Variants in ARFGEF3 observed in about 807,000 individuals in gnomAD.
ARFGEF3 encodes brefeldin A-inhibited guanine nucleotide-exchange protein 3.
A neutral mutation model predicts 221.7 loss-of-function variants in ARFGEF3; 96 were observed. The ratio of observed to expected loss-of-function variants is 0.43; its 90% CI spans 0.37 to 0.51. The LOEUF is 0.51. ARFGEF3 is among the 20% of genes least tolerant of loss of function. ARFGEF3 has a pLI of 0.00. For synonymous variants in ARFGEF3, 1,145 were observed against 1,126.8 expected, an observed-to-expected ratio of 1.02 and a Z score of -0.32; for missense variants, 2,410 against 2,789.9, an observed-to-expected ratio of 0.86 and a Z score of 3.07.
Position 138,172,918 on chromosome 6 carries a change from T to C in ARFGEF3, c.137+2205T>C, listed in dbSNP as rs921706609. On this transcript the variant is annotated intron_variant, in intron 2 of 33. Transcript: ENST00000251691. ...TTGGACCAATTTTGTGCATTAGTAATGATTGCTTACAATTGAACATTTTAA... is the reference window on the plus strand; with the variant it reads ...TTGGACCAATTTTGTGCATTAGTAACGATTGCTTACAATTGAACATTTTAA... 6.6e-5 allele frequency among the ~76,000 whole-genome samples: 10 copies of C among 152,336 alleles called. No homozygotes were observed. In the East Asian group the frequency reaches 1.9e-3, roughly 29 times the overall value.
At chr6:138,244,464 T>C (rs1027534247) in intron 7 of ARFGEF3, among the ~76,000 whole-genome samples, 1 of 152,256 alleles carries the variant, frequency 6.6e-6, no homozygotes, top group African/African-American at 2.4e-5. Flanking sequence ...TTATCCCATT[T>C]TTGCCAGAAG....
rs565929090 is a variant in ARFGEF3 at position 138,288,516 on chromosome 6, C to T, written c.2897-1302C>T. Among the ~76,000 whole-genome samples the T allele has an allele frequency of 3.2e-4, 49 of 152,060 alleles. 1 individual carries two copies. In the East Asian group the frequency reaches 6.2e-3, roughly 19 times the overall value. ...CTGGCCAACATGGTGAAAGAAACCC[C>T]GTCTCTACTAAAAAATACAAAAATT... On this transcript the variant is annotated intron_variant, in intron 17 of 33. Coordinates refer to ENST00000251691, the MANE Select transcript of ARFGEF3 (RefSeq NM_020340.5).
rs1000955831 is a variant in ARFGEF3, at chr6:138,294,200, G to A, written c.3502+74G>A. 1.4e-5 allele frequency: 21 copies of A among 1,485,680 alleles called. 1 individual carries two copies. Among genetic ancestry groups the A allele is most frequent in the East Asian group, 6.8e-5 (3 of 43,798 alleles). 92.0% of individuals were successfully genotyped at this position (1,485,680 alleles called of 1,614,324 possible). A position where few individuals can be genotyped will look rare whatever the true frequency, so the allele number is the denominator to read the frequency against. On this transcript the variant is annotated intron_variant, in intron 20 of 33. Coordinates refer to ENST00000251691, the MANE Select transcript of ARFGEF3 (RefSeq NM_020340.5). ...AGCCCAGGCCTCTATCACCAGCAGCGTGCCTGAAGATTTGACTCCACATTC... is the reference window on the plus strand; with the variant it reads ...AGCCCAGGCCTCTATCACCAGCAGCATGCCTGAAGATTTGACTCCACATTC...
At position 138,262,785 on chromosome 6, in the gene ARFGEF3, G is replaced by T. The variant is rs1778816896; in HGVS notation, c.1302G>T (p.Leu434=). The T allele has an allele frequency of 6.2e-7, 1 of 1,613,896 alleles. No individual in the cohort carries two copies. The highest frequency in any genetic ancestry group is 1.7e-5 in the Admixed American group (1 of 60,002). The change falls in exon 12 of 34, where the codon CTG becomes CTT. Residue 434 remains leucine (L), a synonymous_variant. Transcript: ENST00000251691. Reference sequence around the variant, plus strand: ...CCGTGTCCTGTGTCTGCACCTTGCTGGGTGCCCTGGATGAGCTCAGCCAGG... The same window carrying T: ...CCGTGTCCTGTGTCTGCACCTTGCTTGGTGCCCTGGATGAGCTCAGCCAGG... The part of the protein sequence containing the change: ...YAAVSCVCTL[L]GALDELSQGK...
chr6:138,308,240 T>A (rs1054005995), intron 23 of ARFGEF3, among the ~76,000 whole-genome samples: 2 of 152,148 alleles, frequency 1.3e-5, no homozygotes, highest in Non-Finnish European at 2.9e-5. Flanking sequence ...ACTACTCTTA[T>A]CAGTTAACTG....
At chr6:138,321,343 T>G in intron 29 of ARFGEF3, 118 bp downstream of exon 29, 1 of 614,384 alleles carries the variant, frequency 1.6e-6, no homozygotes, top group South Asian at 2.1e-5. Context: ...GTAAGTAGAC[T>G]TTTGTAATTA....
At position 138,308,721 on chromosome 6, in the gene ARFGEF3, A is replaced by G. The variant is rs750122495; in HGVS notation, c.3974-18A>G. On this transcript the variant is annotated intron_variant, in intron 23 of 33. Coordinates refer to ENST00000251691, the MANE Select transcript of ARFGEF3 (RefSeq NM_020340.5). ...CAGAAACTTACTTTCTTACAATTCT[A>G]TAATCTTCCTCCCTTAGGAAAAGGC... 26 of 1,613,554 alleles carry G rather than the reference A, an allele frequency of 1.6e-5. No homozygotes were observed. Among genetic ancestry groups the G allele is most frequent in the Non-Finnish European group, 2.1e-5 (25 of 1,179,714 alleles).
At position 138,178,279 on chromosome 6, in the gene ARFGEF3, A is replaced by G. The variant is rs147137901; in HGVS notation, c.137+7566A>G. Among the ~76,000 whole-genome samples the G allele has an allele frequency of 3.1e-3, 479 of 152,264 alleles. 2 individuals carry two copies. Among genetic ancestry groups the G allele is most frequent in the African/African-American group, 9.9e-3 (411 of 41,538 alleles). ...CCTCTTCCTTCCACATGCCAAAGCC[A>G]AGACCAAAACCACAGGTCTAGAGGT... On this transcript the variant is annotated intron_variant, in intron 2 of 33. Coordinates refer to ENST00000251691, the MANE Select transcript of ARFGEF3 (RefSeq NM_020340.5).
In ARFGEF3 at chr6:138,280,135, AC is replaced by A; in HGVS notation, c.2433del (p.Asn811LysfsTer9). On this transcript the variant is annotated frameshift_variant, in exon 14 of 34. Transcript: ENST00000251691. LOFTEE classifies it high-confidence loss of function. ...GGCTATTGGGGCAGCCCAGAAGATA[AC>A]AGCCTTCCCCTCATCACAATGCTGA... is the stretch of plus-strand genomic sequence containing the variant. ...EAGYWGSPED[N>X]SLPLITMLTD... 6.2e-7 allele frequency: 1 copy of A among 1,613,806 alleles called. No individual in the cohort carries two copies. Among genetic ancestry groups the A allele is most frequent in the Non-Finnish European group, 8.5e-7 (1 of 1,179,760 alleles).
intron 2 of ARFGEF3, among the ~76,000 whole-genome samples, chr6:138,188,026 A>C (rs369910933): frequency 6.6e-6 from 1 of 152,210 alleles, no homozygotes; most frequent in East Asian, 1.9e-4. Context: ...TTGCTATAAA[A>C]TAATAGAGTA....
rs1778557917 is a variant in ARFGEF3 at position 138,250,406 on chromosome 6, T to C, written c.666-3474T>C. Among the ~76,000 whole-genome samples the C allele has an allele frequency of 2.0e-5, 3 of 152,338 alleles. 1 individual carries two copies. The South Asian group carries it at 6.2e-4, about 32-fold the overall frequency. On this transcript the variant is annotated intron_variant, in intron 8 of 33. Transcript: ENST00000251691. ...CTGTTTCCCACCACTCTTTCCCTGC[T>C]TCTCTCTCCTCCTAGAACAGAGAAT...
intron 7 of ARFGEF3, 65 bp from the exon 8 acceptor site, chr6:138,245,448 T>C: frequency 9.2e-7 from 1 of 1,090,422 alleles, no homozygotes; most frequent in Non-Finnish European, 1.4e-6. Flanking sequence ...ATGGGAAGGA[T>C]GGTTCAGGGA....
chr6:138,167,801 C>A (rs996773142), intron 1 of ARFGEF3, among the ~76,000 whole-genome samples: 8 of 152,172 alleles, frequency 5.3e-5, no homozygotes, highest in Non-Finnish European at 1.0e-4. Context: ...CTTGGAAACC[C>A]CAATCTTTTC....
chr6:138,334,500 C>T lies in ARFGEF3; in HGVS notation c.5654C>T (p.Pro1885Leu). 1 of 1,609,602 alleles carries T rather than the reference C, an allele frequency of 6.2e-7. No homozygotes were observed. Among genetic ancestry groups the T allele is most frequent in the Non-Finnish European group, 8.5e-7 (1 of 1,178,416 alleles). ...KEKRQWRARMPLLSVQPVSNA... is the reference protein window; with the variant it reads ...KEKRQWRARMLLLSVQPVSNA... ...AAGAGACAGTGGCGGGCACGGATGCCCTTGCTCAGCGTCCAGCCTGTCAGC... is the reference window on the plus strand; with the variant it reads ...AAGAGACAGTGGCGGGCACGGATGCTCTTGCTCAGCGTCCAGCCTGTCAGC... Residue 1885 changes from proline to leucine, a missense_variant, in exon 33 of 34, where the codon CCC (proline) becomes CTC (leucine). Physicochemically the swap from Pro to Leu is moderately conservative, Grantham distance 98 (BLOSUM62 -3). Transcript: ENST00000251691. This position sits in a 1 kb window ranked among gnomAD's most constrained non-coding sequence, Gnocchi z 5.1.
Position 138,334,730 on chromosome 6 carries a change from T to G in ARFGEF3, c.5884T>G (p.Ser1962Ala), listed in dbSNP as rs766789122. 6.2e-7 allele frequency: 1 copy of G among 1,609,162 alleles called. No individual in the cohort carries two copies. The highest frequency in any genetic ancestry group is 1.3e-5 in the African/African-American group (1 of 74,678). The change falls in exon 33 of 34, where the codon TCC (serine) becomes GCC (alanine). Residue 1962 changes from serine (S) to alanine (A), a missense_variant. This residue lies in a region of ARFGEF3 where 339 missense variants were observed against 334.9 expected (regional missense o/e 1.01). Coordinates refer to ENST00000251691, the MANE Select transcript of ARFGEF3 (RefSeq NM_020340.5). This position sits in a 1 kb window ranked among gnomAD's most constrained non-coding sequence, Gnocchi z 5.1. ...TGGFSGKETP[S>A]EDDRSQSREH... ...GGGCTTCTCTGGGAAAGAAACCCCT[T>G]CCGAGGATGACAGAAGCCAGTCCCG...
At position 138,213,924 on chromosome 6, in the gene ARFGEF3, A is replaced by G. The variant is rs562353377; in HGVS notation, c.351+3883A>G. ...AAAACTTGATGGTAACCTGACTTTG[A>G]TAGGTCACAAGTGAGGGCTCCATAA... On this transcript the variant is annotated intron_variant, in intron 4 of 33. Coordinates refer to ENST00000251691, the MANE Select transcript of ARFGEF3 (RefSeq NM_020340.5). Among the ~76,000 whole-genome samples, 3 of 152,306 alleles carry G rather than the reference A, an allele frequency of 2.0e-5. No homozygotes were observed. In the South Asian group the frequency reaches 6.2e-4, roughly 32 times the overall value.
chr6:138,267,352 G>C (rs1478086303), intron 12 of ARFGEF3, among the ~76,000 whole-genome samples: 1 of 152,086 alleles, frequency 6.6e-6, no homozygotes, highest in Non-Finnish European at 1.5e-5. Context: ...TTGAACCCAG[G>C]AGGCGGAGGT....
chr6:138,164,696 G>T lies in ARFGEF3; in HGVS notation c.85+2525G>T, dbSNP rs1375207411. Among the ~76,000 whole-genome samples the T allele has an allele frequency of 2.0e-5, 3 of 152,222 alleles. No individual in the cohort carries two copies. In the East Asian group the frequency reaches 5.8e-4, roughly 29 times the overall value. On this transcript the variant is annotated intron_variant, in intron 1 of 33. Coordinates refer to ENST00000251691, the MANE Select transcript of ARFGEF3 (RefSeq NM_020340.5). ...AACTAAAATACCCCTTACAAGAATAGCTGTGATTTAGGAATTAGACACTGT... is the reference window on the plus strand; with the variant it reads ...AACTAAAATACCCCTTACAAGAATATCTGTGATTTAGGAATTAGACACTGT...
At chr6:138,325,069 GA>G (rs1780105088) in intron 31 of ARFGEF3, among the ~76,000 whole-genome samples, 2 of 152,198 alleles carry the variant, frequency 1.3e-5, no homozygotes, top group African/African-American at 4.8e-5. Flanking sequence ...GTCTTCATAT[GA>G]AGAAACTATT....
Sources: gnomAD v4.1 joint callset for allele counts (sites outside exome capture counted in the v4.1 genomes callset) on GRCh38, gnomAD v4.1.1 for gene constraint, gnomAD v4.1.1 regional missense constraint, Gnocchi (gnomAD v3.1) non-coding constraint, MANE v1.5 for transcripts, NCBI Gene and HGNC (gene_info 2026-07-23, HGNC 2026-07-21) for gene names.